JMJD1C: variants seen among roughly 807,000 people sequenced by gnomAD.
JMJD1C encodes the protein jumonji domain containing 1C.
A neutral mutation model predicts 245.3 loss-of-function variants in JMJD1C; 31 were observed. The ratio of observed to expected loss-of-function variants is 0.13; its 90% CI spans 0.09 to 0.17. The LOEUF (loss-of-function observed/expected upper bound fraction) is 0.17. Ranked by LOEUF, JMJD1C falls within the 10% of genes least tolerant of loss-of-function variation. The pLI, the probability that JMJD1C is intolerant of heterozygous loss-of-function variation, is 1.00. For synonymous variants in JMJD1C, 1,057 were observed against 1,017.4 expected (o/e 1.04, Z -0.74); for missense variants, 2,691 against 3,000.2 (o/e 0.90, Z 2.41).
At chr10:63,387,569 A>C (rs1947706746) in intron 1 of JMJD1C, among the ~76,000 whole-genome samples, 1 of 151,270 alleles carries the variant, frequency 6.6e-6, no homozygotes, top group South Asian at 2.1e-4. Context: ...AGAAGAAAAA[A>C]ATCTCAGAAC....
chr10:63,465,812 G>T lies in JMJD1C; in HGVS notation c.-150C>A, dbSNP rs576022257. On this transcript the variant is annotated 5_prime_UTR_variant, in exon 1 of 26. Transcript: ENST00000399262. ...AGACTCGGGACGAACCGGCCGCTCTGCCCCGGACACAGCGACCTCGGGCCC... is the reference window on the plus strand; with the variant it reads ...AGACTCGGGACGAACCGGCCGCTCTTCCCCGGACACAGCGACCTCGGGCCC... 1 of 903,900 alleles carries T rather than the reference G, an allele frequency of 1.1e-6. No homozygotes were observed. The highest frequency in any genetic ancestry group is 1.8e-6 in the Non-Finnish European group (1 of 568,922). The allele number at this position is 903,900 out of a possible 1,614,324, so 56.0% of individuals were successfully genotyped here.
chr10:63,305,548 G>T lies in JMJD1C; in HGVS notation c.334-40784C>A, dbSNP rs1938040726. Among the ~76,000 whole-genome samples, 2 of 144,432 alleles carry T rather than the reference G, an allele frequency of 1.4e-5. 1 individual carries two copies. The highest frequency in any genetic ancestry group is 5.1e-5 in the African/African-American group (2 of 39,260). 94.8% of individuals were successfully genotyped at this position (144,432 alleles called of 152,430 possible). On this transcript the variant is annotated intron_variant, in intron 2 of 25. Coordinates refer to ENST00000399262, the MANE Select transcript of JMJD1C (RefSeq NM_032776.3). ...CTCTCTCTGGAGGCAAGGTTTGTCA[G>T]CCTCGACTTCCCAGGCTCAAGAGAT... is the stretch of plus-strand genomic sequence containing the variant.
intron 1 of JMJD1C, among the ~76,000 whole-genome samples, chr10:63,450,957 G>A (rs754835913): frequency 3.4e-5 from 5 of 148,426 alleles, no homozygotes; most frequent in Admixed American, 1.3e-4. Context: ...TAACAGATTC[G>A]GCAATGTTGC....
At chr10:63,435,911 TAA>T (rs1264275004) in intron 1 of JMJD1C, among the ~76,000 whole-genome samples, 1 of 151,942 alleles carries the variant, frequency 6.6e-6, no homozygotes, top group African/African-American at 2.4e-5. Flanking sequence ...ACAAACAAAC[TAA>T]AAAAGAGTGT....
At position 63,380,062 on chromosome 10, in the gene JMJD1C, C is replaced by G. The variant is rs1041887607; in HGVS notation, c.333+256G>C. On this transcript the variant is annotated intron_variant, in intron 2 of 25. Coordinates refer to ENST00000399262, the MANE Select transcript of JMJD1C (RefSeq NM_032776.3). ...TCACGTGATCCTCCCACCTCAGCCT[C>G]CCAAGTAGCTGGGACCACAGGTATG... Among the ~76,000 whole-genome samples the G allele has an allele frequency of 4.0e-5, 6 of 151,716 alleles. No homozygotes were observed. The East Asian group carries it at 7.7e-4, about 20-fold the overall frequency.
chr10:63,393,201 G>T (rs1000592148), intron 1 of JMJD1C, among the ~76,000 whole-genome samples: 18 of 152,272 alleles, frequency 1.2e-4, no homozygotes, highest in African/African-American at 3.8e-4. Flanking sequence ...CTGAGTTGAT[G>T]AGGCTGAAGT....
Position 63,208,283 on chromosome 10 carries a change from G to A in JMJD1C, c.3386C>T (p.Ala1129Val), listed in dbSNP as rs769751911. 12 of 1,613,980 alleles carry A rather than the reference G, an allele frequency of 7.4e-6. No individual in the cohort carries two copies. The Admixed American group carries it at 2.0e-4, about 27-fold the overall frequency. ...GDKQSNALAA[A>V]AANPQTLTSF... The stretch of plus-strand genomic sequence containing the variant: ...AGTCAGAGTTTGAGGATTAGCTGCT[G>A]CCGCTGCAAGGGCATTACTCTGTTT... Residue 1129 changes from alanine to valine, a missense_variant, in exon 10 of 26, where the codon GCA (alanine) becomes GTA (valine). Transcript: ENST00000399262.
intron 3 of JMJD1C, among the ~76,000 whole-genome samples, chr10:63,224,450 T>C (rs548823107): frequency 1.3e-4 from 20 of 152,344 alleles, no homozygotes; most frequent in Non-Finnish European, 2.1e-4. Context: ...GGCATTGTTG[T>C]TGAATTCCTC....
chr10:63,386,688 T>G, intron 1 of JMJD1C, among the ~76,000 whole-genome samples: 1 of 152,206 alleles, frequency 6.6e-6, no homozygotes, highest in East Asian at 1.9e-4. Context: ...TTAGTCAGCC[T>G]GTCACAACCT....
rs569429785 is a variant in JMJD1C at position 63,331,768 on chromosome 10, C to T, written c.333+48550G>A. On this transcript the variant is annotated intron_variant, in intron 2 of 25. Coordinates refer to ENST00000399262, the MANE Select transcript of JMJD1C (RefSeq NM_032776.3). ...GCTGGGACCACACCACAGGCATGTG[C>T]CACCACGCCCAACTAATTTTTCTGT... Among the ~76,000 whole-genome samples the T allele has an allele frequency of 7.9e-5, 12 of 152,254 alleles. No homozygotes were observed. The South Asian group carries it at 2.5e-3, about 32-fold the overall frequency.
chr10:63,284,695 T>A (rs1857770720), intron 2 of JMJD1C, among the ~76,000 whole-genome samples: 1 of 152,156 alleles, frequency 6.6e-6, no homozygotes, highest in South Asian at 2.1e-4. Context: ...TTGAAATAAA[T>A]GTAAGCTATA....
chr10:63,380,819 G>A (rs1589630198), intron 1 of JMJD1C, among the ~76,000 whole-genome samples: 3 of 152,316 alleles, frequency 2.0e-5, no homozygotes, highest in Admixed American at 2.0e-4. Context: ...CACTGTTGGT[G>A]GGAATGTAAA....
In JMJD1C at chr10:63,183,534, T is replaced by C. The variant is rs748348204; in HGVS notation, c.6997A>G (p.Thr2333Ala). Residue 2333 changes from threonine to alanine, a missense_variant, in exon 22 of 26, where the codon ACA (threonine) becomes GCA (alanine). Around this residue, in one of 9 missense-constraint regions of JMJD1C, gnomAD observed 232 missense variants for 416.1 expected, o/e 0.56. Coordinates refer to ENST00000399262, the MANE Select transcript of JMJD1C (RefSeq NM_032776.3). Reference sequence around the variant, plus strand: ...TCAGAAACTTCAATATGGAGATTTGTTGTTCCTATATCATGATCTTTAGCA... The same window carrying C: ...TCAGAAACTTCAATATGGAGATTTGCTGTTCCTATATCATGATCTTTAGCA... ...VAAKDHDIGT[T>A]NLHIEVSDVV... is the part of the protein sequence containing the mutation. 6.2e-7 allele frequency: 1 copy of C among 1,604,804 alleles called. No homozygotes were observed. The highest frequency in any genetic ancestry group is 1.1e-5 in the South Asian group (1 of 90,324).
intron 2 of JMJD1C, among the ~76,000 whole-genome samples, chr10:63,346,746 TTGTC>T (rs1943846666): frequency 6.6e-6 from 1 of 152,226 alleles, no homozygotes; most frequent in Non-Finnish European, 1.5e-5. Flanking sequence ...ATTGTAAAAT[TTGTC>T]TGAAAGTTTT....
chr10:63,447,277 G>A (rs1387060224), intron 1 of JMJD1C, among the ~76,000 whole-genome samples: 1 of 152,124 alleles, frequency 6.6e-6, no homozygotes, highest in Non-Finnish European at 1.5e-5. Flanking sequence ...CCTCAATTCA[G>A]TTCTTCTCCA....
At chr10:63,389,717 A>T (rs1448360035) in intron 1 of JMJD1C, among the ~76,000 whole-genome samples, 1 of 152,194 alleles carries the variant, frequency 6.6e-6, no homozygotes, top group African/African-American at 2.4e-5. Context: ...CAATGAAATA[A>T]AACTAGAAAT....
chr10:63,187,506 T>C (rs1324669158), intron 18 of JMJD1C, among the ~76,000 whole-genome samples: 1 of 152,128 alleles, frequency 6.6e-6, no homozygotes, highest in Non-Finnish European at 1.5e-5. Context: ...GGCATGATCA[T>C]GGCTCACCAC....
chr10:63,195,637 A>G (rs2133037396), intron 13 of JMJD1C, among the ~76,000 whole-genome samples: 1 of 152,290 alleles, frequency 6.6e-6, no homozygotes, highest in Non-Finnish European at 1.5e-5. Flanking sequence ...GGCATAAGTT[A>G]CACTTAAAAG....
rs537208254 is a variant in JMJD1C, at chr10:63,250,218, A to C, written c.447+14433T>G. 2.0e-5 allele frequency among the ~76,000 whole-genome samples: 3 copies of C among 152,114 alleles called. No homozygotes were observed. In the East Asian group the frequency reaches 5.8e-4, roughly 29 times the overall value. ...TTTTTTGTAGAAACAGGGTCTTGCT[A>C]TGTTGCCCAGGCTAGTCTTGAACTC... On this transcript the variant is annotated intron_variant, in intron 3 of 25. Transcript: ENST00000399262.
Sources: gnomAD v4.1 joint callset for allele counts (sites outside exome capture counted in the v4.1 genomes callset) on GRCh38, gnomAD v4.1.1 for gene constraint, gnomAD v4.1.1 regional missense constraint, MANE v1.5 for transcripts, NCBI Gene and HGNC (gene_info 2026-07-23, HGNC 2026-07-21) for gene names.